STAG3: variants seen among roughly 807,000 people sequenced by gnomAD.
The protein encoded by STAG3 is cohesin subunit SA-3.
STAG3 carries 101 observed loss-of-function variants against 160.7 expected under a neutral mutation model. The ratio of observed to expected loss-of-function variants is 0.63; its 90% CI spans 0.54 to 0.74. The LOEUF (loss-of-function observed/expected upper bound fraction) is 0.74, where lower values mean the gene tolerates loss of function less well. Ranked by LOEUF, STAG3 falls within the 30% of genes least tolerant of loss-of-function variation. The pLI is 0.00. For synonymous variants in STAG3, 519 were observed against 585.0 expected (o/e 0.89, Z 1.63); for missense variants, 1,188 against 1,517.4 (o/e 0.78, Z 3.61).
At position 100,189,565 on chromosome 7, in the gene STAG3, G is replaced by A. The variant is rs761486432; in HGVS notation, c.836G>A (p.Arg279Gln). Reference sequence around the variant, plus strand: ...GGGCCAGGGCAGAGGGCACCTGAGCGGCTGGAGAGCCTGTTGGAGAAACGC... The same window carrying A: ...GGGCCAGGGCAGAGGGCACCTGAGCAGCTGGAGAGCCTGTTGGAGAAACGC... ...NKGPGQRAPE[R>Q]LESLLEKRKE... Residue 279 changes from arginine to glutamine, a missense_variant, in exon 8 of 34, where the codon CGG becomes CAG. Around this residue, in one of 4 missense-constraint regions of STAG3, gnomAD observed 296 missense variants for 404.0 expected, o/e 0.73. Transcript: ENST00000615138. 2.5e-6 allele frequency: 4 copies of A among 1,613,910 alleles called. No homozygotes were observed. The highest frequency in any genetic ancestry group is 2.2e-5 in the South Asian group (2 of 91,058).
At chr7:100,179,713 G>A (rs1192383888) in intron 1 of STAG3, among the ~76,000 whole-genome samples, 2 of 152,120 alleles carry the variant, frequency 1.3e-5, no homozygotes, top group Non-Finnish European at 2.9e-5. Flanking sequence ...ATCCCTTGAT[G>A]CCTTAGGTCA....
At chr7:100,214,970 C>T (rs1233840719), downstream of STAG3, 95 of 152,190 alleles carry the variant, frequency 6.2e-4, 1 homozygote, top group Admixed American at 6.2e-3. Flanking sequence ...CGTCTCTCAC[C>T]TAGACTGCCA....
rs770365101 is a variant in STAG3 at position 100,205,379 on chromosome 7, T to C, written c.3233T>C (p.Val1078Ala). Reference protein sequence around the residue: ...QVLPSSKRRRVEGPAKPNRED... With the variant: ...QVLPSSKRRRAEGPAKPNRED... ...CTCCCCAGCTCCAAGAGGAGGCGCG[T>C]TGAAGGTAGGGTGCTGTGTGTGGGT... is the stretch of plus-strand genomic sequence containing the variant. Residue 1078 changes from valine (V) to alanine (A), a missense_variant, in exon 29 of 34, where the codon GTT (valine) becomes GCT (alanine). Around this residue, in one of 4 missense-constraint regions of STAG3, gnomAD observed 647 missense variants for 717.2 expected, o/e 0.90. Coordinates refer to ENST00000615138, the MANE Select transcript of STAG3 (RefSeq NM_001282717.2). 1.2e-6 allele frequency: 2 copies of C among 1,612,578 alleles called. No individual in the cohort carries two copies. The highest frequency in any genetic ancestry group is 1.1e-5 in the South Asian group (1 of 90,908).
chr7:100,205,414 C>T lies in STAG3; in HGVS notation c.3238+30C>T, dbSNP rs751273901. 7.7e-5 allele frequency: 121 copies of T among 1,561,786 alleles called. 1 individual carries two copies. The South Asian group carries it at 1.4e-3, about 17-fold the overall frequency. On this transcript the variant is annotated intron_variant, in intron 29 of 33. Coordinates refer to ENST00000615138, the MANE Select transcript of STAG3 (RefSeq NM_001282717.2). ...GGTGCTGTGTGTGGGTATGGGGGTG[C>T]CCAGCAGGTGGTCGTTGGCTGCCTG...
At chr7:100,205,779 G>A (rs1327397540) in intron 29 of STAG3, among the ~76,000 whole-genome samples, 2 of 150,986 alleles carry the variant, frequency 1.3e-5, no homozygotes, top group Non-Finnish European at 2.9e-5. Context: ...GCCGTGAGCT[G>A]AGATTGCGCG....
intron 21 of STAG3, chr7:100,201,565 T>C (rs1293650187): frequency 3.2e-6 from 2 of 634,538 alleles, no homozygotes; most frequent in East Asian, 2.7e-5. Context: ...AAGGATAATA[T>C]TGAGGGATTC....
At position 100,200,907 on chromosome 7, in the gene STAG3, C is replaced by A. The variant is rs141693812; in HGVS notation, c.1999C>A (p.Arg667Ser). ...TTTCTTCAGCCGGGCGGACTTTGCC[C>A]GCAGCCAGCTAGTAGATTTGCTGAC... Reference protein sequence around the residue: ...FTFFSRADFARSQLVDLLTDR... With the variant: ...FTFFSRADFASSQLVDLLTDR... The change falls in exon 19 of 34, where the codon CGC becomes AGC. Residue 667 changes from arginine to serine, a missense_variant. Around this residue, in one of 4 missense-constraint regions of STAG3, gnomAD observed 647 missense variants for 717.2 expected, o/e 0.90. Transcript: ENST00000615138. The A allele has an allele frequency of 1.2e-6, 2 of 1,614,182 alleles. No homozygotes were observed. Among genetic ancestry groups the A allele is most frequent in the Non-Finnish European group, 1.7e-6 (2 of 1,180,048 alleles).
Position 100,201,955 on chromosome 7 carries a change from C to T in STAG3, c.2308C>T (p.Leu770=), listed in dbSNP as rs1408368201. The change falls in exon 23 of 34, where the codon CTG becomes TTG. Residue 770 remains leucine (L), a synonymous_variant. Transcript: ENST00000615138. ...ISKSDASQKQ[L]SSLRDRMVAF... ...CAAGCCACTGTGCCCACAGAAGCAG[C>T]TGTCGAGTTTGAGGGACAGAATGGT... is the stretch of plus-strand genomic sequence containing the variant. The T allele has an allele frequency of 6.2e-7, 1 of 1,614,068 alleles. No homozygotes were observed. Among genetic ancestry groups the T allele is most frequent in the Non-Finnish European group, 8.5e-7 (1 of 1,180,050 alleles).
At chr7:100,185,129 C>T (rs1186671424) in intron 4 of STAG3, among the ~76,000 whole-genome samples, 4 of 152,064 alleles carry the variant, frequency 2.6e-5, no homozygotes, top group East Asian at 1.9e-4. Context: ...GGTTTGACCT[C>T]CCTCAGTGGC....
chr7:100,205,427 C>T (rs756051658), intron 29 of STAG3, 43 bp downstream of exon 29: 13 of 1,540,594 alleles, frequency 8.4e-6, no homozygotes, highest in Middle Eastern at 1.9e-4. Flanking sequence ...AGCAGGTGGT[C>T]GTTGGCTGCC....
At chr7:100,196,681 C>T (rs528740948) in intron 9 of STAG3, among the ~76,000 whole-genome samples, 9 of 152,182 alleles carry the variant, frequency 5.9e-5, no homozygotes, top group African/African-American at 1.9e-4. Flanking sequence ...ATCCCAGCTA[C>T]TCGGGAGGCT....
chr7:100,199,380 C>A lies in STAG3; in HGVS notation c.1573+13C>A. The A allele has an allele frequency of 6.2e-7, 1 of 1,609,160 alleles. No homozygotes were observed. The highest frequency in any genetic ancestry group is 8.5e-7 in the Non-Finnish European group (1 of 1,175,582). On this transcript the variant is annotated intron_variant, in intron 15 of 33. Transcript: ENST00000615138. ...GAGAAGGACCAGAGTACGTGTCACA[C>A]GGAGCCAGGGACAGGGACCTTCCAC...
At chr7:100,184,194 A>C (rs1799828188) in intron 4 of STAG3, among the ~76,000 whole-genome samples, 2 of 151,862 alleles carry the variant, frequency 1.3e-5, no homozygotes, top group Admixed American at 1.3e-4. Context: ...TGAACTCGGG[A>C]GGCGGAGGTT....
chr7:100,182,252 G>A, intron 3 of STAG3, 60 bp downstream of exon 3: 2 of 1,289,646 alleles, frequency 1.6e-6, no homozygotes, highest in Non-Finnish European at 2.2e-6. Flanking sequence ...CCAGCTACTT[G>A]GGAGGCTGAG....
chr7:100,214,615 A>G (rs1178189135), downstream of STAG3, among the ~76,000 whole-genome samples: 2 of 152,016 alleles, frequency 1.3e-5, no homozygotes, highest in Non-Finnish European at 1.5e-5. Context: ...CAGTAGTAAA[A>G]GTTGTGCTGA....
At chr7:100,191,527 CTGT>C (rs1479937580) in intron 8 of STAG3, among the ~76,000 whole-genome samples, 2 of 152,182 alleles carry the variant, frequency 1.3e-5, no homozygotes, top group Non-Finnish European at 2.9e-5. Flanking sequence ...ACACTGTAGT[CTGT>C]TAAGTGTGCA....
rs1378263550 is a variant in STAG3, at chr7:100,188,931, C to T, written c.630C>T (p.Gly210=). The T allele has an allele frequency of 6.2e-7, 1 of 1,614,180 alleles. No individual in the cohort carries two copies. Among genetic ancestry groups the T allele is most frequent in the East Asian group, 2.2e-5 (1 of 44,878 alleles). ...GCCAGTACAGCCTCCTCTATGATGGCTTCCCTATGGACGACCTCATCTCCC... is the reference window on the plus strand; with the variant it reads ...GCCAGTACAGCCTCCTCTATGATGGTTTCCCTATGGACGACCTCATCTCCC... ...CQCQYSLLYD[G]FPMDDLISLL... Residue 210 remains glycine, a synonymous_variant, in exon 7 of 34, where the codon GGC becomes GGT. Coordinates refer to ENST00000615138, the MANE Select transcript of STAG3 (RefSeq NM_001282717.2).
In STAG3 at chr7:100,199,623, G is replaced by A. The variant is rs563074605; in HGVS notation, c.1656G>A (p.Val552=). The A allele has an allele frequency of 9.4e-6, 15 of 1,600,288 alleles. No individual in the cohort carries two copies. The South Asian group carries it at 1.7e-4, about 18-fold the overall frequency. Residue 552 remains valine (V), a synonymous_variant, in exon 16 of 34, where the codon GTG becomes GTA. Transcript: ENST00000615138. ...AAGCTTCAGAGGGGCACCCGCCTGTGGGCCGGGTCACTGGGAGGAAGGTAT... is the reference window on the plus strand; with the variant it reads ...AAGCTTCAGAGGGGCACCCGCCTGTAGGCCGGGTCACTGGGAGGAAGGTAT... ...ARQASEGHPP[V]GRVTGRKGLT...
rs10260215 is a variant in STAG3, at chr7:100,199,274, G to C, written c.1480G>C (p.Ala494Pro). ...FFVESELHDHAAYLVDSLWDC... is the reference protein window; with the variant it reads ...FFVESELHDHPAYLVDSLWDC... ...CGTTCTCCCCTAGCTCCATGACCAC[G>C]CTGCTTACTTAGTAGACAGTCTGTG... The change falls in exon 15 of 34, where the codon GCT (alanine) becomes CCT (proline). Residue 494 changes from alanine (A) to proline (P), a missense_variant. This residue lies in a region of STAG3 where 240 missense variants were observed against 358.1 expected (regional missense o/e 0.67). Coordinates refer to ENST00000615138, the MANE Select transcript of STAG3 (RefSeq NM_001282717.2). 2 of 1,613,536 alleles carry C rather than the reference G, an allele frequency of 1.2e-6. No homozygotes were observed. Among genetic ancestry groups the C allele is most frequent in the Non-Finnish European group, 1.7e-6 (2 of 1,179,578 alleles).
Sources: gnomAD v4.1 joint callset for allele counts (sites outside exome capture counted in the v4.1 genomes callset) on GRCh38, gnomAD v4.1.1 for gene constraint, gnomAD v4.1.1 regional missense constraint, MANE v1.5 for transcripts, NCBI Gene and HGNC (gene_info 2026-07-23, HGNC 2026-07-21) for gene names.